Variants in USP53 observed in about 807,000 individuals in gnomAD.
USP53 encodes the protein ubiquitin specific peptidase 53, also known as ubiquitin carboxyl-terminal hydrolase 53.
In USP53, 71 loss-of-function variants were observed where a neutral mutation model predicts 94.9. That is an observed-to-expected ratio of 0.75 (90% CI 0.62 to 0.91). The LOEUF is 0.91. Among genes scored for constraint, USP53 ranks in the 40% least tolerant of loss-of-function variants. The pLI is 0.00. For synonymous variants in USP53, 375 were observed against 422.7 expected (o/e 0.89, Z 1.39); for missense variants, 1,173 against 1,281.0 (o/e 0.92, Z 1.29).
At chr4:119,258,610 C>T (rs1052289155) in intron 9 of USP53, among the ~76,000 whole-genome samples, 9 of 152,100 alleles carry the variant, frequency 5.9e-5, no homozygotes, top group African/African-American at 1.9e-4. Context: ...CTAAGTAGGC[C>T]TCACAGTCAT....
At position 119,272,022 on chromosome 4, in the gene USP53, C is replaced by T. The variant is rs769301540; in HGVS notation, c.2162C>T (p.Thr721Ile). The change falls in exon 16 of 19, where the codon ACA (threonine) becomes ATA (isoleucine). Residue 721 changes from threonine to isoleucine, a missense_variant. Transcript: ENST00000692078. Reference protein sequence around the residue: ...TVMDISGVKETVCFSDQITTS... With the variant: ...TVMDISGVKEIVCFSDQITTS... Reference sequence around the variant, plus strand: ...ATGGATATCAGTGGTGTTAAAGAAACAGTATGCTTCAGGTAATGTAAAAGT... The same window carrying T: ...ATGGATATCAGTGGTGTTAAAGAAATAGTATGCTTCAGGTAATGTAAAAGT... 1.3e-6 allele frequency: 2 copies of T among 1,577,860 alleles called. No homozygotes were observed. Among genetic ancestry groups the T allele is most frequent in the Non-Finnish European group, 1.7e-6 (2 of 1,164,618 alleles).
intron 9 of USP53, among the ~76,000 whole-genome samples, chr4:119,257,296 C>T (rs2149376511): frequency 6.6e-6 from 1 of 152,232 alleles, no homozygotes; most frequent in Non-Finnish European, 1.5e-5. Context: ...AAAAAATTAG[C>T]TGGGTGTGGT....
intron 3 of USP53, among the ~76,000 whole-genome samples, chr4:119,229,627 T>C (rs958699731): frequency 2.0e-5 from 3 of 152,226 alleles, no homozygotes; most frequent in African/African-American, 4.8e-5. Flanking sequence ...TTGTGGACTT[T>C]ACTTCTGAAA....
chr4:119,241,697 T>C (rs1561230686), intron 5 of USP53, among the ~76,000 whole-genome samples: 1 of 152,168 alleles, frequency 6.6e-6, no homozygotes, highest in Non-Finnish European at 1.5e-5. Flanking sequence ...TATAGGTTTC[T>C]TCATGTTTCT....
Position 119,291,260 on chromosome 4 carries a change from A to C in USP53, c.2347A>C (p.Arg783=). 1.3e-6 allele frequency: 2 copies of C among 1,566,336 alleles called. No individual in the cohort carries two copies. Among genetic ancestry groups the C allele is most frequent in the Non-Finnish European group, 1.7e-6 (2 of 1,155,318 alleles). The change falls in exon 18 of 19, where the codon AGA becomes CGA. Residue 783 remains arginine, a splice_region_variant and synonymous_variant. Transcript: ENST00000692078. The stretch of plus-strand genomic sequence containing the variant: ...ACAAATAAAAAATCATTTGATAAAA[A>C]GGTAACCATATTTTTTTTCCCTAAA... ...HLQIKNHLIK[R]SHVHEDNGKL...
chr4:119,277,741 C>T (rs1752845921), intron 17 of USP53, among the ~76,000 whole-genome samples: 2 of 137,586 alleles, frequency 1.5e-5, no homozygotes, highest in Admixed American at 7.5e-5. Context: ...GTCTAAGTCT[C>T]TTTGTAGGTC....
At position 119,268,539 on chromosome 4, in the gene USP53, C is replaced by A. The variant is rs945076106; in HGVS notation, c.1288+119C>A. On this transcript the variant is annotated intron_variant, in intron 14 of 18. Transcript: ENST00000692078. ...TGAAAAGATAATAACAAATAGATAACAAAATTCGTCTTTTGATTTATGCAT... is the reference window on the plus strand; with the variant it reads ...TGAAAAGATAATAACAAATAGATAAAAAAATTCGTCTTTTGATTTATGCAT... 8.9e-6 allele frequency: 9 copies of A among 1,014,906 alleles called. No individual in the cohort carries two copies. The African/African-American group carries it at 9.8e-5, about 11-fold the overall frequency. 62.9% of individuals were successfully genotyped at this position (1,014,906 alleles called of 1,614,324 possible).
At chr4:119,278,412 A>C (rs1190772820) in intron 17 of USP53, among the ~76,000 whole-genome samples, 5 of 146,278 alleles carry the variant, frequency 3.4e-5, no homozygotes, top group South Asian at 4.5e-4. Context: ...TTTCTTTAAG[A>C]ATGTTGAATA....
chr4:119,290,263 C>G (rs1330288889), intron 17 of USP53, among the ~76,000 whole-genome samples: 1 of 152,092 alleles, frequency 6.6e-6, no homozygotes, highest in Admixed American at 6.6e-5. Context: ...TTGGAAGACA[C>G]TTGGAAGTAA....
intron 4 of USP53, among the ~76,000 whole-genome samples, chr4:119,237,391 C>T (rs1746908612): frequency 6.6e-6 from 1 of 152,144 alleles, no homozygotes; most frequent in Admixed American, 6.5e-5. Context: ...TGGCCGCCCC[C>T]TCGCCCGTCA....
intron 5 of USP53, among the ~76,000 whole-genome samples, chr4:119,243,279 C>T (rs1356008321): frequency 6.6e-6 from 1 of 152,168 alleles, no homozygotes; most frequent in Non-Finnish European, 1.5e-5. Flanking sequence ...GGGTGGATCA[C>T]TTGAGGCCAG....
intron 7 of USP53, among the ~76,000 whole-genome samples, chr4:119,252,510 T>A (rs924943431): frequency 2.6e-5 from 4 of 152,204 alleles, no homozygotes; most frequent in African/African-American, 9.7e-5. Flanking sequence ...CGTTTTCTAG[T>A]TTATTTGTGT....
At chr4:119,290,611 T>G (rs1754640149) in intron 17 of USP53, among the ~76,000 whole-genome samples, 1 of 152,210 alleles carries the variant, frequency 6.6e-6, no homozygotes, top group Non-Finnish European at 1.5e-5. Context: ...GGTAGCTAAT[T>G]AGTAGTGGTA....
intron 17 of USP53, among the ~76,000 whole-genome samples, chr4:119,289,388 C>G (rs1754483544): frequency 6.6e-6 from 1 of 152,170 alleles, no homozygotes; most frequent in African/African-American, 2.4e-5. Context: ...TAAATGGCAA[C>G]ACAGTCAAAA....
chr4:119,291,169 T>TTTA lies in USP53; in HGVS notation c.2256_2257insTTA (p.Phe752_Arg753insLeu). ...CCCCACCCCACCCAACCCTAGGCTT[T>TTTA]AGAAAAGAACTCAGGAATTTGGAAG... On this transcript the variant is annotated inframe_insertion, in exon 18 of 19. Coordinates refer to ENST00000692078, the MANE Select transcript of USP53 (RefSeq NM_001371395.1). 6.5e-7 allele frequency: 1 copy of TTTA among 1,539,390 alleles called. No homozygotes were observed.
chr4:119,256,326 T>C lies in USP53; in HGVS notation c.453T>C (p.Thr151=). ...ADMCTSKSCI[T]HQKFAMTLYE... The stretch of plus-strand genomic sequence containing the variant: ...TGTGTACCTCTAAATCTTGTATCAC[T>C]CACCAGAAGTTTGCTATGACTCTGT... The change falls in exon 8 of 19, where the codon ACT becomes ACC. Residue 151 remains threonine (T), a synonymous_variant. Coordinates refer to ENST00000692078, the MANE Select transcript of USP53 (RefSeq NM_001371395.1). 1.2e-6 allele frequency: 2 copies of C among 1,614,032 alleles called. No individual in the cohort carries two copies. The highest frequency in any genetic ancestry group is 1.7e-6 in the Non-Finnish European group (2 of 1,179,960).
rs746579464 is a variant in USP53, at chr4:119,271,043, T to A, written c.1436-253T>A. ...GTTATGAGTGAGATAGAGTGCTTAT[T>A]TTTTTAAAAACTGCCTCAATTATGA... On this transcript the variant is annotated intron_variant, in intron 15 of 18. Coordinates refer to ENST00000692078, the MANE Select transcript of USP53 (RefSeq NM_001371395.1). Among the ~76,000 whole-genome samples, 55 of 152,324 alleles carry A rather than the reference T, an allele frequency of 3.6e-4. No individual in the cohort carries two copies. In the Middle Eastern group the frequency reaches 0.01, roughly 28 times the overall value.
chr4:119,261,642 A>G, intron 11 of USP53, 73 bp from the exon 12 acceptor site: 2 of 1,241,946 alleles, frequency 1.6e-6, no homozygotes, highest in East Asian at 4.9e-5. Context: ...TGTCAAAGAC[A>G]TGATTCATCT....
At chr4:119,283,831 TA>T (rs1431263941) in intron 17 of USP53, among the ~76,000 whole-genome samples, 2 of 152,040 alleles carry the variant, frequency 1.3e-5, no homozygotes, top group African/African-American at 4.8e-5. Flanking sequence ...GTTAGGAATA[TA>T]AGTCTAAAAC....
Sources: allele counts gnomAD v4.1 joint callset (sites outside exome capture counted in the v4.1 genomes callset), GRCh38; gene constraint gnomAD v4.1.1; transcripts MANE v1.5; gene names NCBI Gene and HGNC (gene_info 2026-07-23, HGNC 2026-07-21).